Variants in HHIPL1 observed in about 807,000 individuals in gnomAD.
HHIPL1 encodes HHIP-like protein 1.
HHIPL1 carries 43 observed loss-of-function variants against 61.8 expected under a neutral mutation model. The ratio of observed to expected loss-of-function variants is 0.70; its 90% confidence interval spans 0.55 to 0.90. HHIPL1 has a LOEUF of 0.90. HHIPL1 is among the 40% of genes least tolerant of loss of function. The pLI, the probability that HHIPL1 is intolerant of heterozygous loss-of-function variation, is 0.00. For missense variants in HHIPL1, 1,056 were observed against 1,157.7 expected (o/e 0.91, Z 1.28); for synonymous variants, 482 against 515.8 (o/e 0.93, Z 0.89).
chr14:99,651,629 C>G lies in HHIPL1; in HGVS notation c.256-595C>G, dbSNP rs150301601. On this transcript the variant is annotated intron_variant, in intron 1 of 8. Transcript: ENST00000330710. ...CAACACTGGGGGTTACAATTCTACA[C>G]GAGATTTGGGTAGGGACACAGATCC... Among the ~76,000 whole-genome samples, 3 of 152,250 alleles carry G rather than the reference C, an allele frequency of 2.0e-5. No homozygotes were observed. The South Asian group carries it at 6.2e-4, about 32-fold the overall frequency.
rs1179867078 is a variant in HHIPL1 at position 99,675,617 on chromosome 14, C to G, written c.2340C>G (p.Pro780=). ...DAGVVCSHQN[P]DL is the part of the protein sequence containing the mutation. ...GCGTCGTGTGCAGCCACCAGAACCC[C>G]GACCTGTAGGCAACACGCCGCTGCC... The change falls in exon 9 of 9, where the codon CCC becomes CCG. Residue 780 remains proline, a synonymous_variant. Transcript: ENST00000330710. The surrounding 1 kb of genome is among the most constrained non-coding windows in gnomAD (Gnocchi z 5.4). 7 of 1,518,794 alleles carry G rather than the reference C, an allele frequency of 4.6e-6. No homozygotes were observed. Among genetic ancestry groups the G allele is most frequent in the Admixed American group, 4.0e-5 (2 of 50,384 alleles). 94.1% of individuals were successfully genotyped at this position (1,518,794 alleles called of 1,614,324 possible). A position where few individuals can be genotyped will look rare whatever the true frequency, so the allele number is the denominator to read the frequency against.
chr14:99,625,722 C>T, the HHIPL1 span: 1 of 152,272 alleles, frequency 6.6e-6, no homozygotes, highest in East Asian at 1.9e-4. Context: ...TTGATATGAA[C>T]ATTAAACATT....
At chr14:99,620,129 T>TGG in the HHIPL1 span, among the ~76,000 whole-genome samples, 2 of 152,280 alleles carry the variant, frequency 1.3e-5, no homozygotes, top group East Asian at 3.9e-4. Flanking sequence ...GGTGACTCAA[T>TGG]GCCATCTTTC....
the HHIPL1 span, among the ~76,000 whole-genome samples, chr14:99,639,664 TG>T: frequency 2.0e-5 from 3 of 152,084 alleles, no homozygotes; most frequent in Admixed American, 6.5e-5. Context: ...TTTTTTTGTT[TG>T]TTTTTTTGTT....
upstream of HHIPL1, among the ~76,000 whole-genome samples, chr14:99,644,568 A>G (rs1388736035): frequency 6.6e-6 from 1 of 151,956 alleles, no homozygotes; most frequent in Admixed American, 6.6e-5. Context: ...CCTATGCGAG[A>G]GTGGAAGTGG....
rs116346013 is a variant in HHIPL1 at position 99,649,191 on chromosome 14, G to A, written c.256-3033G>A. 2.2e-3 allele frequency among the ~76,000 whole-genome samples: 333 copies of A among 152,310 alleles called. 1 individual carries two copies. The highest frequency in any genetic ancestry group is 7.2e-3 in the African/African-American group (301 of 41,552). ...GAAGCATCTGCTGTGTGATTGGGACGCACGGATGCCGAGGTCTTCGGCCTG... is the reference window on the plus strand; with the variant it reads ...GAAGCATCTGCTGTGTGATTGGGACACACGGATGCCGAGGTCTTCGGCCTG... On this transcript the variant is annotated intron_variant, in intron 1 of 8. Coordinates refer to ENST00000330710, the MANE Select transcript of HHIPL1 (RefSeq NM_001127258.3).
chr14:99,619,461 CA>C, the HHIPL1 span, among the ~76,000 whole-genome samples: 11,217 of 106,590 alleles, frequency 0.11, 403 homozygotes, highest in Non-Finnish European at 0.13. Flanking sequence ...GACTCCATCT[CA>C]AAAAAAAAAA....
the HHIPL1 span, among the ~76,000 whole-genome samples, chr14:99,613,966 G>T: frequency 6.6e-6 from 1 of 152,184 alleles, no homozygotes; most frequent in Admixed American, 6.5e-5. Flanking sequence ...TGGGAACTCA[G>T]TAAATGTTTG....
chr14:99,605,403 C>CT, the HHIPL1 span, among the ~76,000 whole-genome samples: 65 of 150,926 alleles, frequency 4.3e-4, 1 homozygote, highest in Non-Finnish European at 5.9e-5. Flanking sequence ...GGGGTCCCTC[C>CT]CCCGGAACCT....
chr14:99,613,057 C>T, the HHIPL1 span, among the ~76,000 whole-genome samples: 3 of 152,122 alleles, frequency 2.0e-5, no homozygotes, highest in Non-Finnish European at 4.4e-5. Flanking sequence ...CCAGCCCTCC[C>T]AGCCCCCTCC....
chr14:99,657,121 A>G lies in HHIPL1; in HGVS notation c.1024A>G (p.Thr342Ala). Reference protein sequence around the residue: ...DGGMAGDPFGTFGNAQNKSAL... With the variant: ...DGGMAGDPFGAFGNAQNKSAL... Reference sequence around the variant, plus strand: ...CGGGATGGCCGGAGACCCCTTTGGGACATTTGGAAATGCCCAAAACAAGTA... The same window carrying G: ...CGGGATGGCCGGAGACCCCTTTGGGGCATTTGGAAATGCCCAAAACAAGTA... Residue 342 changes from threonine (T) to alanine (A), a missense_variant, in exon 3 of 9, where the codon ACA becomes GCA. By Grantham distance (58) the Thr-to-Ala change is moderately conservative. Transcript: ENST00000330710. The G allele has an allele frequency of 6.2e-7, 1 of 1,613,082 alleles. No individual in the cohort carries two copies. Among genetic ancestry groups the G allele is most frequent in the Non-Finnish European group, 8.5e-7 (1 of 1,179,662 alleles).
At chr14:99,659,391 C>A in intron 3 of HHIPL1, 37 bp from the exon 4 acceptor site, 2 of 1,384,108 alleles carry the variant, frequency 1.4e-6, no homozygotes. Flanking sequence ...TGGCTCAGGG[C>A]GACCCCGAGC....
rs1180764328 is a variant in HHIPL1, at chr14:99,668,825, C to G, written c.1730+522C>G. On this transcript the variant is annotated intron_variant, in intron 7 of 8. Transcript: ENST00000330710. The surrounding 1 kb of genome is among the most constrained non-coding windows in gnomAD (Gnocchi z 4.7). Reference sequence around the variant, plus strand: ...CGCCGGCTCCATCTCCCCGGCTTCCCTTCTAGCTGTAAGGCCAGAAGCGCC... The same window carrying G: ...CGCCGGCTCCATCTCCCCGGCTTCCGTTCTAGCTGTAAGGCCAGAAGCGCC... The G allele has an allele frequency of 1.2e-6, 2 of 1,613,502 alleles. No individual in the cohort carries two copies. Among genetic ancestry groups the G allele is most frequent in the African/African-American group, 2.7e-5 (2 of 75,058 alleles).
chr14:99,619,384 C>G, the HHIPL1 span, among the ~76,000 whole-genome samples: 1 of 151,662 alleles, frequency 6.6e-6, no homozygotes, highest in Admixed American at 6.6e-5. Flanking sequence ...ATTGCTTGAA[C>G]CCGGGAGGCA....
At chr14:99,643,579 GAT>G (rs1201880432), upstream of HHIPL1, among the ~76,000 whole-genome samples, 1 of 152,182 alleles carries the variant, frequency 6.6e-6, no homozygotes, top group Non-Finnish European at 1.5e-5. Context: ...GCCCTGTGTT[GAT>G]GTGTGACTAT....
At chr14:99,638,177 G>A in the HHIPL1 span, among the ~76,000 whole-genome samples, 2 of 152,120 alleles carry the variant, frequency 1.3e-5, no homozygotes, top group African/African-American at 2.4e-5. Context: ...CAGGTATCCC[G>A]GCTACCAGAG....
chr14:99,675,695 GC>G lies in HHIPL1; in HGVS notation c.*70del. ...TGGCAGGGGCCGCTCCGCCCTGTGTGCGCCCAGCGGGTGCACACGTGTTCTA... is the reference window on the plus strand; with the variant it reads ...TGGCAGGGGCCGCTCCGCCCTGTGTGGCCCAGCGGGTGCACACGTGTTCTA... On this transcript the variant is annotated 3_prime_UTR_variant, in exon 9 of 9. Coordinates refer to ENST00000330710, the MANE Select transcript of HHIPL1 (RefSeq NM_001127258.3). The surrounding 1 kb of genome is among the most constrained non-coding windows in gnomAD (Gnocchi z 5.4). 7.1e-7 allele frequency: 1 copy of G among 1,408,580 alleles called. No homozygotes were observed. The highest frequency in any genetic ancestry group is 2.5e-5 in the East Asian group (1 of 39,228). The allele number at this position is 1,408,580 out of a possible 1,614,324, so 87.3% of individuals were successfully genotyped here. A position where few individuals can be genotyped will look rare whatever the true frequency, so the allele number is the denominator to read the frequency against.
chr14:99,614,581 A>G, the HHIPL1 span, among the ~76,000 whole-genome samples: 1 of 152,194 alleles, frequency 6.6e-6, no homozygotes, highest in Non-Finnish European at 1.5e-5. Context: ...CTTGGGAGAC[A>G]GTGATTTAGC....
At chr14:99,613,063 C>T in the HHIPL1 span, among the ~76,000 whole-genome samples, 2 of 152,078 alleles carry the variant, frequency 1.3e-5, no homozygotes, top group African/African-American at 4.8e-5. Context: ...CTCCCAGCCC[C>T]CTCCTGTTTG....
Sources: gnomAD v4.1 joint callset for allele counts (sites outside exome capture counted in the v4.1 genomes callset) on GRCh38, gnomAD v4.1.1 for gene constraint, Gnocchi (gnomAD v3.1) non-coding constraint, MANE v1.5 for transcripts, NCBI Gene and HGNC (gene_info 2026-07-23, HGNC 2026-07-21) for gene names.